CDH23: variants seen among roughly 807,000 people sequenced by gnomAD.
The protein encoded by CDH23 is cadherin-23.
CDH23 carries 189 observed loss-of-function variants against 317.1 expected under a neutral mutation model. That is an observed-to-expected ratio of 0.60 (90% CI 0.53 to 0.67). CDH23 has a LOEUF of 0.67. Among genes scored for constraint, CDH23 ranks in the 30% least tolerant of loss-of-function variants. CDH23 has a pLI of 0.00. For missense variants in CDH23, 4,401 were observed against 4,592.4 expected (o/e 0.96, Z 1.20); for synonymous variants, 1,839 against 1,876.8 (o/e 0.98, Z 0.52).
intron 4 of CDH23, 129 bp from the exon 5 acceptor site, chr10:71,510,825 C>G (rs1853927271): frequency 3.7e-6 from 3 of 817,162 alleles, no homozygotes; most frequent in South Asian, 1.5e-5. Flanking sequence ...TTTAGGGAAG[C>G]CTTTGGGTGC....
At chr10:71,812,062 C>G (rs1446241310) in intron 66 of CDH23, 47 bp downstream of exon 66, 1 of 1,613,832 alleles carries the variant, frequency 6.2e-7, no homozygotes. Context: ...GGAGTCCTGC[C>G]AGGACCCAGC....
At chr10:71,398,217 T>C (rs943255041) in intron 1 of CDH23, among the ~76,000 whole-genome samples, 1 of 152,224 alleles carries the variant, frequency 6.6e-6, no homozygotes, top group Non-Finnish European at 1.5e-5. Flanking sequence ...CCAGCCCTAG[T>C]GCTGTCAGCG....
At chr10:71,671,298 A>G (rs1044327695) in intron 14 of CDH23, among the ~76,000 whole-genome samples, 6 of 152,072 alleles carry the variant, frequency 3.9e-5, no homozygotes, top group African/African-American at 9.7e-5. Flanking sequence ...CAATATGAAA[A>G]TGGCCAGCTG....
chr10:71,685,547 C>A (rs1358709741), intron 18 of CDH23, among the ~76,000 whole-genome samples: 2 of 152,178 alleles, frequency 1.3e-5, no homozygotes, highest in Non-Finnish European at 2.9e-5. Context: ...GGGTAAGAAC[C>A]CACCTCACTT....
chr10:71,657,066 T>G (rs1397212240), intron 14 of CDH23, among the ~76,000 whole-genome samples: 1 of 152,156 alleles, frequency 6.6e-6, no homozygotes, highest in African/African-American at 2.4e-5. Flanking sequence ...CTCCCCACCC[T>G]TGCTGGAGTT....
rs374981343 is a variant in CDH23, at chr10:71,806,010, C to T, written c.8064+13C>T. ...GGCGGTGTACAGCGTAAGGGCGGGGCCCGGTGCGAGGGGCGGGGTCTGGGG... is the reference window on the plus strand; with the variant it reads ...GGCGGTGTACAGCGTAAGGGCGGGGTCCGGTGCGAGGGGCGGGGTCTGGGG... On this transcript the variant is annotated intron_variant, in intron 56 of 69. Coordinates refer to ENST00000224721, the MANE Select transcript of CDH23 (RefSeq NM_022124.6). 3 of 1,599,438 alleles carry T rather than the reference C, an allele frequency of 1.9e-6. No individual in the cohort carries two copies. Among genetic ancestry groups the T allele is most frequent in the Non-Finnish European group, 8.5e-7 (1 of 1,174,522 alleles).
chr10:71,781,278 A>G (rs1840946903), intron 41 of CDH23, among the ~76,000 whole-genome samples: 1 of 152,230 alleles, frequency 6.6e-6, no homozygotes, highest in Non-Finnish European at 1.5e-5. Context: ...CCTGCTGCCC[A>G]GAGCTTATGA....
chr10:71,583,500 C>T (rs1181420029), intron 9 of CDH23, among the ~76,000 whole-genome samples: 2 of 152,042 alleles, frequency 1.3e-5, no homozygotes, highest in East Asian at 3.9e-4. Flanking sequence ...AGCTGAGAGA[C>T]AGTCACAGCC....
Position 71,803,218 on chromosome 10 carries a change from A to G in CDH23, c.7670A>G (p.His2557Arg), listed in dbSNP as rs1393733481. ...CTGCTCCCACTGCCAGAGGCCTTCCATGTGGACATGGACTCGGGCTTGGTG... is the reference window on the plus strand; with the variant it reads ...CTGCTCCCACTGCCAGAGGCCTTCCGTGTGGACATGGACTCGGGCTTGGTG... ...SLEGPGVEAF[H>R]VDMDSGLVTT... Residue 2557 changes from histidine (H) to arginine (R), a missense_variant, in exon 55 of 70, where the codon CAT (histidine) becomes CGT (arginine). By Grantham distance (29) the His-to-Arg change is conservative. This residue lies in a region of CDH23 where 1,144 missense variants were observed against 1,138.2 expected (regional missense o/e 1.01). Coordinates refer to ENST00000224721, the MANE Select transcript of CDH23 (RefSeq NM_022124.6). 2 of 1,606,522 alleles carry G rather than the reference A, an allele frequency of 1.2e-6. No individual in the cohort carries two copies. The highest frequency in any genetic ancestry group is 2.7e-5 in the African/African-American group (2 of 74,718).
intron 66 of CDH23, 34 bp from the exon 67 acceptor site, chr10:71,812,446 C>CAA: frequency 1.3e-6 from 2 of 1,548,614 alleles, no homozygotes; most frequent in Non-Finnish European, 1.8e-6. Flanking sequence ...CGAGCCTTCC[C>CAA]TCCCTCCCCA....
intron 36 of CDH23, among the ~76,000 whole-genome samples, 152 bp downstream of exon 36, chr10:71,739,924 C>T (rs1467516117): frequency 6.6e-6 from 1 of 152,192 alleles, no homozygotes; most frequent in African/African-American, 2.4e-5. Flanking sequence ...CTGCACCCAT[C>T]GGGGCCAAGA....
At chr10:71,670,961 CTTTT>C (rs762870565) in intron 14 of CDH23, among the ~76,000 whole-genome samples, 7 of 128,588 alleles carry the variant, frequency 5.4e-5, no homozygotes, top group Admixed American at 1.6e-4. Flanking sequence ...GATTTGGCAT[CTTTT>C]TTTTTTTTTT....
chr10:71,480,287 G>T lies in CDH23; in HGVS notation c.146-29795G>T, dbSNP rs565588799. Among the ~76,000 whole-genome samples, 55 of 152,342 alleles carry T rather than the reference G, an allele frequency of 3.6e-4. 2 individuals are homozygous for T. The South Asian group carries it at 0.011, about 29-fold the overall frequency. On this transcript the variant is annotated intron_variant, in intron 3 of 69. Coordinates refer to ENST00000224721, the MANE Select transcript of CDH23 (RefSeq NM_022124.6). ...CTGCAGCGCGTCTGCCCACATTCCC[G>T]TTCTGTCCTTACCCCAGTCTGGCCC...
At chr10:71,701,001 T>G (rs1370577727) in intron 22 of CDH23, among the ~76,000 whole-genome samples, 1 of 152,124 alleles carries the variant, frequency 6.6e-6, no homozygotes, top group African/African-American at 2.4e-5. Flanking sequence ...CAGTTAAGAA[T>G]AACACTGTCC....
intron 34 of CDH23, 106 bp from the exon 35 acceptor site, chr10:71,738,392 A>T: frequency 7.3e-7 from 1 of 1,364,542 alleles, no homozygotes; most frequent in Non-Finnish European, 1.0e-6. Context: ...CTGATGTTCC[A>T]GAACCCACTG....
chr10:71,555,301 T>G (rs1456172312), intron 6 of CDH23, among the ~76,000 whole-genome samples: 1 of 152,124 alleles, frequency 6.6e-6, no homozygotes, highest in Non-Finnish European at 1.5e-5. Flanking sequence ...AGGGTGGGTA[T>G]CAGGGCTGCA....
In CDH23 at chr10:71,779,374, C is replaced by A. The variant is rs753327225; in HGVS notation, c.5295C>A (p.Thr1765=). Residue 1765 remains threonine (T), a synonymous_variant, in exon 41 of 70, where the codon ACC becomes ACA. Coordinates refer to ENST00000224721, the MANE Select transcript of CDH23 (RefSeq NM_022124.6). ...TEGQPGPRVW[T]FLAHDRDSGP... is the part of the protein sequence containing the mutation. ...GCCAGCCGGGGCCCAGAGTGTGGAC[C>A]TTCCTGGCCCATGACCGAGACTCAG... The A allele has an allele frequency of 6.2e-7, 1 of 1,613,940 alleles. No individual in the cohort carries two copies. The highest frequency in any genetic ancestry group is 8.5e-7 in the Non-Finnish European group (1 of 1,179,870).
At chr10:71,678,196 G>C (rs1239804444) in intron 16 of CDH23, among the ~76,000 whole-genome samples, 1 of 152,096 alleles carries the variant, frequency 6.6e-6, no homozygotes, top group East Asian at 1.9e-4. Flanking sequence ...TGAGTGGGGA[G>C]CAGTTCCCTG....
At chr10:71,578,828 A>G (rs1858425180) in intron 9 of CDH23, among the ~76,000 whole-genome samples, 1 of 152,216 alleles carries the variant, frequency 6.6e-6, no homozygotes. Context: ...ACATCTGGCC[A>G]CCAGGCCAGA....
Sources: gnomAD v4.1 joint callset for allele counts (sites outside exome capture counted in the v4.1 genomes callset) on GRCh38, gnomAD v4.1.1 for gene constraint, gnomAD v4.1.1 regional missense constraint, MANE v1.5 for transcripts, NCBI Gene and HGNC (gene_info 2026-07-23, HGNC 2026-07-21) for gene names.